ABCB5: variants seen among roughly 807,000 people sequenced by gnomAD.
ABCB5 encodes ATP-binding cassette sub-family B member 5.
A neutral mutation model predicts 144.2 loss-of-function variants in ABCB5; 155 were observed. The ratio of observed to expected loss-of-function variants is 1.08; its 90% CI spans 0.94 to 1.23. The LOEUF (loss-of-function observed/expected upper bound fraction) is 1.23. ABCB5 is among the 50% of genes most tolerant of loss of function. The probability of loss-of-function intolerance (pLI) is 0.00; values close to 1 mark genes in which losing one functional copy is unlikely to be tolerated. For missense variants in ABCB5, 1,830 were observed against 1,520.8 expected (o/e 1.20, Z -3.38); for synonymous variants, 610 against 528.6 (o/e 1.15, Z -2.11).
intron 27 of ABCB5, among the ~76,000 whole-genome samples, chr7:20,754,862 C>G (rs865870359): frequency 6.6e-6 from 1 of 152,106 alleles, no homozygotes; most frequent in African/African-American, 2.4e-5. Context: ...AGTTTAGAAC[C>G]ACTAACATAT....
chr7:20,706,927 A>C (rs1367941339), intron 20 of ABCB5, among the ~76,000 whole-genome samples: 2 of 152,214 alleles, frequency 1.3e-5, no homozygotes, highest in East Asian at 3.8e-4. Flanking sequence ...ATAAAATGTA[A>C]TTTATAAAAA....
intron 26 of ABCB5, among the ~76,000 whole-genome samples, chr7:20,746,199 G>C (rs1160867798): frequency 6.6e-6 from 1 of 152,020 alleles, no homozygotes; most frequent in Non-Finnish European, 1.5e-5. Flanking sequence ...CCGTGTTCAA[G>C]CAATTCTCCT....
In ABCB5 at chr7:20,623,217, T is replaced by C. The variant is rs2128016678; in HGVS notation, c.-21-48T>C. 4 of 1,085,298 alleles carry C rather than the reference T, an allele frequency of 3.7e-6. No homozygotes were observed. The African/African-American group carries it at 4.7e-5, about 13-fold the overall frequency. 67.2% of individuals were successfully genotyped at this position (1,085,298 alleles called of 1,614,324 possible). ...TAAAGAATGCTGTATATCAACTAAG[T>C]GATAAAAGTCACATAGCCATAATAC... On this transcript the variant is annotated intron_variant, in intron 1 of 27. Coordinates refer to ENST00000404938, the MANE Select transcript of ABCB5 (RefSeq NM_001163941.2).
chr7:20,616,023 TA>T (rs1265243162), intron 1 of ABCB5, among the ~76,000 whole-genome samples, 186 bp downstream of exon 1: 1 of 152,184 alleles, frequency 6.6e-6, no homozygotes, highest in African/African-American at 2.4e-5. Flanking sequence ...AAAGCATCCA[TA>T]CAATTCATAT....
intron 13 of ABCB5, among the ~76,000 whole-genome samples, chr7:20,652,905 C>T (rs561569686): frequency 3.9e-5 from 6 of 152,016 alleles, no homozygotes; most frequent in Non-Finnish European, 7.4e-5. Context: ...CCAAACTTGA[C>T]GGACTGTAAT....
intron 20 of ABCB5, among the ~76,000 whole-genome samples, chr7:20,705,098 G>A (rs141190630): frequency 3.3e-5 from 5 of 152,292 alleles, no homozygotes; most frequent in Non-Finnish European, 5.9e-5. Context: ...GAATTAAATA[G>A]TTAGATAAGG....
chr7:20,741,069 C>T (rs899153002), intron 24 of ABCB5, among the ~76,000 whole-genome samples: 1 of 150,024 alleles, frequency 6.7e-6, no homozygotes, highest in Admixed American at 6.7e-5. Flanking sequence ...CACCACTGTA[C>T]TCCAGCCTGG....
At chr7:20,632,176 G>A in intron 5 of ABCB5, 63 bp downstream of exon 5, 5 of 1,193,360 alleles carry the variant, frequency 4.2e-6, no homozygotes, top group Admixed American at 3.2e-5. Context: ...AAGCTTACAA[G>A]AAAAAAGCAA....
chr7:20,685,737 T>G lies in ABCB5; in HGVS notation c.1911T>G (p.Tyr637Ter). The G allele has an allele frequency of 6.2e-7, 1 of 1,612,856 alleles. No homozygotes were observed. The highest frequency in any genetic ancestry group is 8.5e-7 in the Non-Finnish European group (1 of 1,179,058). The stretch of plus-strand genomic sequence containing the variant: ...ATGAACAGATGGAGTCAATGACATA[T>G]TCTACTGAAAGAAAGACCAACTCAC... ...KADEQMESMT[Y>*]STERKTNSLP... Residue 637 changes from tyrosine (Y) to a stop codon, truncating the protein, a stop_gained, in exon 16 of 28, where the codon TAT (tyrosine) becomes TAG (stop). Coordinates refer to ENST00000404938, the MANE Select transcript of ABCB5 (RefSeq NM_001163941.2). LOFTEE classifies it high-confidence loss of function.
chr7:20,654,196 G>GTTTTT (rs1583397993), intron 13 of ABCB5, among the ~76,000 whole-genome samples: 1 of 150,842 alleles, frequency 6.6e-6, no homozygotes, highest in Non-Finnish European at 1.5e-5. Context: ...TTTTGTTTTT[G>GTTTTT]TTTTTGTTTT....
In ABCB5 at chr7:20,698,417, C is replaced by T; in HGVS notation, c.2021C>T (p.Pro674Leu). 1 of 1,572,448 alleles carries T rather than the reference C, an allele frequency of 6.4e-7. No homozygotes were observed. Among genetic ancestry groups the T allele is most frequent in the South Asian group, 1.2e-5 (1 of 82,400 alleles). The change falls in exon 17 of 28, where the codon CCT becomes CTT. Residue 674 changes from proline to leucine, a missense_variant. Physicochemically the swap from Pro to Leu is moderately conservative, Grantham distance 98. Transcript: ENST00000404938. ...ESTQSKEISL[P>L]EVSLLKILKL... ...ATATTTTATTTTTAGATAAGTCTTC[C>T]TGAAGTCTCTCTATTAAAAATTTTA...
At chr7:20,655,454 C>T (rs1329068197) in intron 13 of ABCB5, among the ~76,000 whole-genome samples, 1 of 151,734 alleles carries the variant, frequency 6.6e-6, no homozygotes, top group African/African-American at 2.4e-5. Context: ...GCCTGGGCAA[C>T]AGAGCAAGAC....
At chr7:20,686,984 T>A (rs1786024163) in intron 16 of ABCB5, among the ~76,000 whole-genome samples, 1 of 152,204 alleles carries the variant, frequency 6.6e-6, no homozygotes, top group South Asian at 2.1e-4. Flanking sequence ...TGGTCCTCTA[T>A]AGCCATTTAC....
Position 20,680,526 on chromosome 7 carries a change from C to T in ABCB5, c.1708-979C>T, listed in dbSNP as rs1236929139. Among the ~76,000 whole-genome samples the T allele has an allele frequency of 3.3e-5, 5 of 150,670 alleles. No homozygotes were observed. The South Asian group carries it at 6.4e-4, about 19-fold the overall frequency. ...CGGAGCTTGCAGTGAGCCGAGATTG[C>T]GCCACTGCACTCCAGCCTGGGCGAC... On this transcript the variant is annotated intron_variant, in intron 14 of 27. Coordinates refer to ENST00000404938, the MANE Select transcript of ABCB5 (RefSeq NM_001163941.2).
At chr7:20,688,649 G>T (rs1234760608) in intron 16 of ABCB5, among the ~76,000 whole-genome samples, 2 of 152,146 alleles carry the variant, frequency 1.3e-5, no homozygotes, top group Admixed American at 6.5e-5. Flanking sequence ...AAATCATGCT[G>T]CTATAAAGAC....
chr7:20,673,289 GT>G (rs1347808497), intron 14 of ABCB5, among the ~76,000 whole-genome samples: 1 of 152,008 alleles, frequency 6.6e-6, no homozygotes, highest in African/African-American at 2.4e-5. Context: ...TGTTGAGTTG[GT>G]TGATACTATT....
chr7:20,740,374 T>G (rs1158424443), intron 24 of ABCB5, among the ~76,000 whole-genome samples: 5 of 152,234 alleles, frequency 3.3e-5, no homozygotes, highest in Non-Finnish European at 7.3e-5. Context: ...TGTTTTTAAC[T>G]TATAATTATT....
chr7:20,738,789 G>A (rs1782468312), intron 23 of ABCB5, among the ~76,000 whole-genome samples, 194 bp from the exon 24 acceptor site: 1 of 152,192 alleles, frequency 6.6e-6, no homozygotes, highest in African/African-American at 2.4e-5. Flanking sequence ...GTTCATTTTG[G>A]TGTACAGAGC....
At chr7:20,698,244 C>T (rs1053169182) in intron 16 of ABCB5, among the ~76,000 whole-genome samples, 163 bp from the exon 17 acceptor site, 3 of 152,084 alleles carry the variant, frequency 2.0e-5, no homozygotes, top group Admixed American at 1.3e-4. Context: ...TTAGGGTCAT[C>T]GTTAATAATA....
Sources: allele counts gnomAD v4.1 joint callset (sites outside exome capture counted in the v4.1 genomes callset), GRCh38; gene constraint gnomAD v4.1.1; transcripts MANE v1.5; gene names NCBI Gene and HGNC (gene_info 2026-07-23, HGNC 2026-07-21).